VAV1: variants seen among roughly 807,000 people sequenced by gnomAD.
The protein encoded by VAV1 is vav guanine nucleotide exchange factor 1.
In VAV1, 33 loss-of-function variants were observed where a neutral mutation model predicts 128.1. The observed-to-expected ratio is 0.26, with a 90% CI of 0.20 to 0.34. VAV1 has a LOEUF of 0.34. Among genes scored for constraint, VAV1 ranks in the 10% least tolerant of loss-of-function variants. The pLI is 1.00. For missense variants in VAV1, 715 were observed against 1,093.7 expected (o/e 0.65, Z 4.88); for synonymous variants, 394 against 409.8 (o/e 0.96, Z 0.47).
At chr19:6,805,741 CAT>C (rs935417994) in intron 1 of VAV1, among the ~76,000 whole-genome samples, 4 of 149,540 alleles carry the variant, frequency 2.7e-5, no homozygotes, top group Non-Finnish European at 4.4e-5. Flanking sequence ...ACAGCTCACA[CAT>C]ATGTGTATAT....
rs746995262 is a variant in VAV1, at chr19:6,852,946, C to T, written c.2218-19C>T. On this transcript the variant is annotated intron_variant, in intron 24 of 26. Transcript: ENST00000602142. ...GCTGGCCCGCTGGGATAGCATCTGC[C>T]ATGTGGTCCGCCTTCTAGGAGCTGG... 2 of 1,601,496 alleles carry T rather than the reference C, an allele frequency of 1.2e-6. No individual in the cohort carries two copies. The highest frequency in any genetic ancestry group is 2.2e-5 in the South Asian group (2 of 90,708).
At chr19:6,840,550 C>T (rs1396359686) in intron 21 of VAV1, among the ~76,000 whole-genome samples, 2 of 151,882 alleles carry the variant, frequency 1.3e-5, no homozygotes, top group South Asian at 2.1e-4. Flanking sequence ...CCTCCCGCTT[C>T]GGCTTCCCAA....
intron 19 of VAV1, among the ~76,000 whole-genome samples, chr19:6,835,049 AT>A: frequency 6.6e-6 from 1 of 152,242 alleles, no homozygotes; most frequent in South Asian, 2.1e-4. Context: ...TTTCAAAAAA[AT>A]AAAAAAATAA....
At chr19:6,783,952 T>C (rs1475851679) in intron 1 of VAV1, among the ~76,000 whole-genome samples, 1 of 150,890 alleles carries the variant, frequency 6.6e-6, no homozygotes, top group Non-Finnish European at 1.5e-5. Flanking sequence ...ATGGAGCGGG[T>C]TTCAGGAATG....
At chr19:6,795,056 G>C (rs547625648) in intron 1 of VAV1, among the ~76,000 whole-genome samples, 2 of 152,222 alleles carry the variant, frequency 1.3e-5, no homozygotes, top group South Asian at 4.1e-4. Context: ...CGGAGAGAGA[G>C]CAAGTATTCC....
chr19:6,818,981 T>C (rs537478541), intron 1 of VAV1, among the ~76,000 whole-genome samples: 2 of 152,192 alleles, frequency 1.3e-5, no homozygotes, highest in East Asian at 3.9e-4. Context: ...CTGGGTGTGA[T>C]GGCGGGTGCT....
rs758223061 is a variant in VAV1, at chr19:6,833,171, T to C, written c.1509-13T>C. Reference sequence around the variant, plus strand: ...ACCTTCTTTTTTTTTTTTTTTTAATTTTCCCCTGCCAGCTCCAACATCTAT... The same window carrying C: ...ACCTTCTTTTTTTTTTTTTTTTAATCTTCCCCTGCCAGCTCCAACATCTAT... On this transcript the variant is annotated splice_polypyrimidine_tract_variant and intron_variant, in intron 15 of 26. Transcript: ENST00000602142. 8 of 1,583,228 alleles carry C rather than the reference T, an allele frequency of 5.1e-6. No homozygotes were observed. In the Admixed American group the frequency reaches 1.6e-4, roughly 31 times the overall value.
In VAV1 at chr19:6,828,336, GT is replaced by G; in HGVS notation, c.1024-82del. On this transcript the variant is annotated intron_variant, in intron 10 of 26. Transcript: ENST00000602142. The surrounding 1 kb of genome is among the most constrained non-coding windows in gnomAD (Gnocchi z 4.5). ...GGTCAGCAGTACGATGGAGGAGCTGGTGAGCTAGCATTGTTTGGAAGGCCCT... is the reference window on the plus strand; with the variant it reads ...GGTCAGCAGTACGATGGAGGAGCTGGGAGCTAGCATTGTTTGGAAGGCCCT... The G allele has an allele frequency of 6.3e-7, 1 of 1,576,412 alleles. No homozygotes were observed. Among genetic ancestry groups the G allele is most frequent in the Non-Finnish European group, 8.7e-7 (1 of 1,149,260 alleles).
intron 1 of VAV1, among the ~76,000 whole-genome samples, chr19:6,795,708 G>C (rs1971118528): frequency 6.6e-6 from 1 of 151,924 alleles, no homozygotes. Context: ...TTTTGAGATG[G>C]AGTCTCACTC....
At chr19:6,854,343 G>C (rs1407394190) in intron 26 of VAV1, among the ~76,000 whole-genome samples, 2 of 152,172 alleles carry the variant, frequency 1.3e-5, no homozygotes, top group Non-Finnish European at 2.9e-5. Flanking sequence ...ACGGTACAAG[G>C]ATTGCCCTCA....
chr19:6,848,222 A>G, intron 23 of VAV1, 108 bp downstream of exon 23: 1 of 956,090 alleles, frequency 1.0e-6, no homozygotes, highest in Non-Finnish European at 1.5e-6. Context: ...AATAGCATCC[A>G]CCTTTTACTG....
At chr19:6,784,207 T>C in intron 1 of VAV1, 2 of 647,926 alleles carry the variant, frequency 3.1e-6, no homozygotes, top group Non-Finnish European at 5.7e-6. Context: ...TGAGCTATGA[T>C]TGTGCTACCA....
At chr19:6,821,398 TA>T (rs942629843) in intron 2 of VAV1, among the ~76,000 whole-genome samples, 1 of 151,478 alleles carries the variant, frequency 6.6e-6, no homozygotes, top group Non-Finnish European at 1.5e-5. Context: ...GAGACTCCGT[TA>T]AAAAAAATAC....
Position 6,822,592 on chromosome 19 carries a change from C to G in VAV1, c.654+78C>G. On this transcript the variant is annotated intron_variant, in intron 6 of 26. Transcript: ENST00000602142. This position sits in a 1 kb window ranked among gnomAD's most constrained non-coding sequence, Gnocchi z 5.9. ...GCAGGTGCACGTCCACCTGTCCGGC[C>G]GCTCTGGGCAGCTGAGGATTTCCTG... The G allele has an allele frequency of 4.6e-6, 6 of 1,305,804 alleles. No homozygotes were observed. In the South Asian group the frequency reaches 6.5e-5, roughly 14 times the overall value. The allele number at this position is 1,305,804 out of a possible 1,614,324, so 80.9% of individuals were successfully genotyped here. A position where few individuals can be genotyped will look rare whatever the true frequency, so the allele number is the denominator to read the frequency against.
chr19:6,773,708 T>A lies in VAV1; in HGVS notation c.204+697T>A, dbSNP rs371152886. ...CAGGGATTTCTGCAGGGGCCCAGGC[T>A]GGAGGGGTGGTGGTGGATTTGACTG... On this transcript the variant is annotated intron_variant, in intron 1 of 26. Transcript: ENST00000602142. Among the ~76,000 whole-genome samples, 110 of 152,250 alleles carry A rather than the reference T, an allele frequency of 7.2e-4. 1 individual carries two copies. Among genetic ancestry groups the A allele is most frequent in the Middle Eastern group, 3.4e-3 (1 of 294 alleles).
In VAV1 at chr19:6,826,789, G is replaced by A; in HGVS notation, c.927+78G>A. The A allele has an allele frequency of 8.6e-7, 1 of 1,169,538 alleles. No individual in the cohort carries two copies. Among genetic ancestry groups the A allele is most frequent in the Non-Finnish European group, 1.2e-6 (1 of 814,896 alleles). 72.4% of individuals were successfully genotyped at this position (1,169,538 alleles called of 1,614,324 possible). A position where few individuals can be genotyped will look rare whatever the true frequency, so the allele number is the denominator to read the frequency against. On this transcript the variant is annotated intron_variant, in intron 9 of 26. Transcript: ENST00000602142. This position sits in a 1 kb window ranked among gnomAD's most constrained non-coding sequence, Gnocchi z 4.1. ...GGGGCAGCAGGGAGGACACTGAGTTGCAGATGGTCCACTTTCTGCTGCAGC... is the reference window on the plus strand; with the variant it reads ...GGGGCAGCAGGGAGGACACTGAGTTACAGATGGTCCACTTTCTGCTGCAGC...
intron 1 of VAV1, among the ~76,000 whole-genome samples, chr19:6,788,233 C>T (rs1290711092): frequency 6.6e-6 from 1 of 151,962 alleles, no homozygotes; most frequent in Admixed American, 6.6e-5. Flanking sequence ...CACATCCAGC[C>T]TGCTCTAAAT....
At chr19:6,773,597 A>T (rs1970551008) in intron 1 of VAV1, among the ~76,000 whole-genome samples, 1 of 152,014 alleles carries the variant, frequency 6.6e-6, no homozygotes, top group South Asian at 2.1e-4. Flanking sequence ...CATCCATCTC[A>T]GAGGAGATAG....
intron 21 of VAV1, among the ~76,000 whole-genome samples, chr19:6,840,694 C>T (rs1449980727): frequency 6.7e-6 from 1 of 150,312 alleles, no homozygotes; most frequent in Non-Finnish European, 1.5e-5. Context: ...AGACTCGACC[C>T]CCTAAGCTTA....
Sources: allele counts gnomAD v4.1 joint callset (sites outside exome capture counted in the v4.1 genomes callset), GRCh38; gene constraint gnomAD v4.1.1; non-coding constraint Gnocchi (gnomAD v3.1); transcripts MANE v1.5; gene names NCBI Gene and HGNC (gene_info 2026-07-23, HGNC 2026-07-21).